The following ENTPD8 variants were observed in gnomAD, a reference collection of about 807,000 sequenced individuals.
ENTPD8 encodes the protein E-NTPDase 8.
ENTPD8 carries 35 observed loss-of-function variants against 47.0 expected under a neutral mutation model. The observed-to-expected ratio is 0.75, with a 90% CI of 0.57 to 0.99. ENTPD8 has a LOEUF of 0.99. Ranked by LOEUF, ENTPD8 falls within the 50% of genes least tolerant of loss-of-function variation. The pLI is 0.00. For missense variants in ENTPD8, 668 were observed against 649.9 expected (o/e 1.03, Z -0.30); for synonymous variants, 308 against 290.5 (o/e 1.06, Z -0.61).
Position 137,434,543 on chromosome 9 carries a change from T to C in ENTPD8, c.*371A>G. On this transcript the variant is annotated 3_prime_UTR_variant, in exon 10 of 10. Transcript: ENST00000371506. ...GGCAGCTCCCTCCCTTCCACCCCTC[T>C]CCGCCCCTCCTGAGGCCCCATCAGG... 1 of 682,966 alleles carries C rather than the reference T, an allele frequency of 1.5e-6. No individual in the cohort carries two copies. Among genetic ancestry groups the C allele is most frequent in the Non-Finnish European group, 2.4e-6 (1 of 418,544 alleles). The allele number at this position is 682,966 out of a possible 1,614,324, so 42.3% of individuals were successfully genotyped here. A position where few individuals can be genotyped will look rare whatever the true frequency, so the allele number is the denominator to read the frequency against.
At chr9:137,436,376 G>A in intron 6 of ENTPD8, 100 bp from the exon 7 acceptor site, 11 of 1,419,914 alleles carry the variant, frequency 7.7e-6, no homozygotes, top group Non-Finnish European at 1.0e-5. Context: ...CCCATACCCT[G>A]TGCGCCCTCC....
In ENTPD8 at chr9:137,436,152, T is replaced by C; in HGVS notation, c.911A>G (p.Asn304Ser). 6.2e-7 allele frequency: 1 copy of C among 1,612,872 alleles called. No homozygotes were observed. Among genetic ancestry groups the C allele is most frequent in the Non-Finnish European group, 8.5e-7 (1 of 1,179,956 alleles). ...GTTGCCTGTCCCTTCAACTGTGAGG[T>C]TCTGGGGGAGGCTCAGCGGGGGCGT... is the stretch of plus-strand genomic sequence containing the variant. ...HATPPLSLPQ[N>S]LTVEGTGNPG... The change falls in exon 7 of 10, where the codon AAC becomes AGC. Residue 304 changes from asparagine to serine, a missense_variant. Asn to Ser is a conservative substitution (Grantham distance 46). Transcript: ENST00000371506.
At position 137,435,202 on chromosome 9, in the gene ENTPD8, A is replaced by G. The variant is rs759911377; in HGVS notation, c.1296+2T>C. The G allele has an allele frequency of 4.3e-6, 7 of 1,610,144 alleles. No homozygotes were observed. Among genetic ancestry groups the G allele is most frequent in the South Asian group, 1.1e-5 (1 of 91,002 alleles). ...CCGCCCACGCCCAGGGGAGGCAGTC[A>G]CCTGCTTTCGGAACTCGAGGCTGGG... On this transcript the variant is annotated splice_donor_variant, in intron 9 of 9. Coordinates refer to ENST00000371506, the MANE Select transcript of ENTPD8 (RefSeq NM_001033113.2). LOFTEE classifies it high-confidence loss of function.
chr9:137,436,735 T>C lies in ENTPD8; in HGVS notation c.572A>G (p.Glu191Gly). 1 of 1,603,694 alleles carries C rather than the reference T, an allele frequency of 6.2e-7. No homozygotes were observed. The highest frequency in any genetic ancestry group is 8.5e-7 in the Non-Finnish European group (1 of 1,175,400). Reference sequence around the variant, plus strand: ...CATCTCCTCCGGAGGCTGGATCCATTCTCCAGTGAAGGAGTACTGGGCACA... The same window carrying C: ...CATCTCCTCCGGAGGCTGGATCCATCCTCCAGTGAAGGAGTACTGGGCACA... ...GTLVKYSFTGEWIQPPEEMLV... is the reference protein window; with the variant it reads ...GTLVKYSFTGGWIQPPEEMLV... Residue 191 changes from glutamate to glycine, a missense_variant, in exon 6 of 10, where the codon GAA becomes GGA. Glu to Gly is a moderately conservative substitution (Grantham distance 98). Coordinates refer to ENST00000371506, the MANE Select transcript of ENTPD8 (RefSeq NM_001033113.2).
rs115134072 is a variant in ENTPD8, at chr9:137,436,005, G to A, written c.1050+8C>T. 8,436 of 1,612,536 alleles carry A rather than the reference G, an allele frequency of 5.2e-3. 341 individuals carry two copies. The African/African-American group carries it at 0.093, about 18-fold the overall frequency. ...CGGACCCCTGGTGGGGGCAGTGTAG[G>A]TGCTCACATAGAACTGGCCCCGCAG... is the stretch of plus-strand genomic sequence containing the variant. On this transcript the variant is annotated splice_region_variant and intron_variant, in intron 7 of 9. Transcript: ENST00000371506.
At position 137,436,170 on chromosome 9, in the gene ENTPD8, G is replaced by T. The variant is rs372392679; in HGVS notation, c.893C>A (p.Pro298Gln). Residue 298 changes from proline to glutamine, a missense_variant, in exon 7 of 10, where the codon CCG becomes CAG. Physicochemically the swap from Pro to Gln is moderately conservative, Grantham distance 76. Transcript: ENST00000371506. ...YESPCVHATP[P>Q]LSLPQNLTVE... ...TGTGAGGTTCTGGGGGAGGCTCAGC[G>T]GGGGCGTGGCGTGGACACAGGGTGA... 1.1e-4 allele frequency: 179 copies of T among 1,612,772 alleles called. No homozygotes were observed. The highest frequency in any genetic ancestry group is 1.5e-4 in the Non-Finnish European group (177 of 1,179,960).
At position 137,437,200 on chromosome 9, in the gene ENTPD8, T is replaced by C. The variant is rs61730138; in HGVS notation, c.354A>G (p.Thr118=). The C allele has an allele frequency of 1.6e-4, 266 of 1,612,780 alleles. 1 individual carries two copies. Among genetic ancestry groups the C allele is most frequent in the Non-Finnish European group, 1.0e-4 (118 of 1,179,954 alleles). ...CAGCCGTGGCCCCCAGGAACGTGGGTGTTTTCCGATGCTGGGCCTCTGGGA... is the reference window on the plus strand; with the variant it reads ...CAGCCGTGGCCCCCAGGAACGTGGGCGTTTTCCGATGCTGGGCCTCTGGGA... ...VLIPEAQHRK[T]PTFLGATAGM... is the part of the protein sequence containing the mutation. Residue 118 remains threonine (T), a synonymous_variant, in exon 4 of 10, where the codon ACA becomes ACG. Coordinates refer to ENST00000371506, the MANE Select transcript of ENTPD8 (RefSeq NM_001033113.2).
Position 137,438,261 on chromosome 9 carries a change from C to T in ENTPD8, c.25G>A (p.Val9Ile). Reference protein sequence around the residue: MGLSRKEQVFLALLGASGV... With the variant: MGLSRKEQIFLALLGASGV... The stretch of plus-strand genomic sequence containing the variant: ...GAGGCCCCCAGCAGGGCCAAGAAGA[C>T]CTGCTCCTTCCGGGACAGCCCCATG... Residue 9 changes from valine (V) to isoleucine (I), a missense_variant, in exon 2 of 10, where the codon GTC becomes ATC. Val to Ile is a conservative substitution (Grantham distance 29). Coordinates refer to ENST00000371506, the MANE Select transcript of ENTPD8 (RefSeq NM_001033113.2). This position sits in a 1 kb window ranked among gnomAD's most constrained non-coding sequence, Gnocchi z 5.7. The T allele has an allele frequency of 6.3e-7, 1 of 1,593,504 alleles. No homozygotes were observed. Among genetic ancestry groups the T allele is most frequent in the Non-Finnish European group, 8.5e-7 (1 of 1,170,440 alleles).
rs1460829653 is a variant in ENTPD8 at position 137,438,886 on chromosome 9, C to A, written c.-20-581G>T. ...CCATGTGATGGGGCCACCCTGTGTC[C>A]CCACCCCTCGGTCCTGCCTCTCCCG... On this transcript the variant is annotated intron_variant, in intron 1 of 9. Transcript: ENST00000371506. This position sits in a 1 kb window ranked among gnomAD's most constrained non-coding sequence, Gnocchi z 5.7. Among the ~76,000 whole-genome samples the A allele has an allele frequency of 2.0e-5, 3 of 152,046 alleles. No homozygotes were observed. Among genetic ancestry groups the A allele is most frequent in the Admixed American group, 2.0e-4 (3 of 15,282 alleles).
In ENTPD8 at chr9:137,436,197, T is replaced by C; in HGVS notation, c.866A>G (p.Glu289Gly). ...GGGCGTGGCGTGGACACAGGGTGACTCATACAGCGGGCCCAGGGCCAGTGT... is the reference window on the plus strand; with the variant it reads ...GGGCGTGGCGTGGACACAGGGTGACCCATACAGCGGGCCCAGGGCCAGTGT... ...QTTLALGPLY[E>G]SPCVHATPPL... The change falls in exon 7 of 10, where the codon GAG becomes GGG. Residue 289 changes from glutamate to glycine, a missense_variant. Coordinates refer to ENST00000371506, the MANE Select transcript of ENTPD8 (RefSeq NM_001033113.2). 1 of 1,612,532 alleles carries C rather than the reference T, an allele frequency of 6.2e-7. No individual in the cohort carries two copies. The highest frequency in any genetic ancestry group is 8.5e-7 in the Non-Finnish European group (1 of 1,179,778).
In ENTPD8 at chr9:137,436,694, C is replaced by G. The variant is rs776700494; in HGVS notation, c.613G>C (p.Asp205His). Residue 205 changes from aspartate (D) to histidine (H), a missense_variant, in exon 6 of 10, where the codon GAC (aspartate) becomes CAC (histidine). Physicochemically the swap from Asp to His is moderately conservative, Grantham distance 81. Coordinates refer to ENST00000371506, the MANE Select transcript of ENTPD8 (RefSeq NM_001033113.2). ...PPEEMLVGAL[D>H]MGGASTQITF... ...ATCTGGGTGGAGGCCCCTCCCATGT[C>G]CAGGGCACCCACCAGCATCTCCTCC... 1 of 1,598,048 alleles carries G rather than the reference C, an allele frequency of 6.3e-7. No individual in the cohort carries two copies. Among genetic ancestry groups the G allele is most frequent in the Non-Finnish European group, 8.5e-7 (1 of 1,172,690 alleles).
At position 137,438,982 on chromosome 9, in the gene ENTPD8, G is replaced by A. The variant is rs369019873; in HGVS notation, c.-20-677C>T. Among the ~76,000 whole-genome samples the A allele has an allele frequency of 1.9e-4, 29 of 152,240 alleles. No individual in the cohort carries two copies. Among genetic ancestry groups the A allele is most frequent in the East Asian group, 7.7e-4 (4 of 5,180 alleles). ...GCCCAGGGCTCTGCCTCCTCTCTGC[G>A]GCCCCCACCCCAGGCACTCCTAGGG... On this transcript the variant is annotated intron_variant, in intron 1 of 9. Coordinates refer to ENST00000371506, the MANE Select transcript of ENTPD8 (RefSeq NM_001033113.2). The surrounding 1 kb of genome is among the most constrained non-coding windows in gnomAD (Gnocchi z 5.7).
At chr9:137,437,738 G>A (rs1361275837) in intron 3 of ENTPD8, among the ~76,000 whole-genome samples, 1 of 151,856 alleles carries the variant, frequency 6.6e-6, no homozygotes, top group Non-Finnish European at 1.5e-5. Flanking sequence ...GGCAGCAGAT[G>A]CTGGGCAGAC....
In ENTPD8 at chr9:137,438,529, TC is replaced by T. The variant is rs1173850072; in HGVS notation, c.-20-225del. On this transcript the variant is annotated intron_variant, in intron 1 of 9. Transcript: ENST00000371506. This position sits in a 1 kb window ranked among gnomAD's most constrained non-coding sequence, Gnocchi z 5.7. ...AGGCATCTCCGGGGCTCAGGCGGCC[TC>T]CCGTGGCCATAGAGGCATCTCCGGG... 2.1e-5 allele frequency among the ~76,000 whole-genome samples: 3 copies of T among 146,176 alleles called. No homozygotes were observed. Among genetic ancestry groups the T allele is most frequent in the African/African-American group, 7.8e-5 (3 of 38,442 alleles).
At chr9:137,439,990 G>GC (rs199752354) in intron 1 of ENTPD8, among the ~76,000 whole-genome samples, 1 of 42,926 alleles carries the variant, frequency 2.3e-5, no homozygotes, top group Non-Finnish European at 4.0e-5. Context: ...GACCAGGACA[G>GC]CCCCCCAGAC....
chr9:137,438,834 C>T lies in ENTPD8; in HGVS notation c.-20-529G>A, dbSNP rs967653306. On this transcript the variant is annotated intron_variant, in intron 1 of 9. Coordinates refer to ENST00000371506, the MANE Select transcript of ENTPD8 (RefSeq NM_001033113.2). The surrounding 1 kb of genome is among the most constrained non-coding windows in gnomAD (Gnocchi z 5.7). ...TCCAAGTAGCCCCCTCGGACCCCCT[C>T]GGATGGGACTCGCGGAGCTGCCCCC... Among the ~76,000 whole-genome samples, 2 of 152,084 alleles carry T rather than the reference C, an allele frequency of 1.3e-5. No individual in the cohort carries two copies. The highest frequency in any genetic ancestry group is 1.9e-4 in the East Asian group (1 of 5,172).
At position 137,434,630 on chromosome 9, in the gene ENTPD8, C is replaced by A; in HGVS notation, c.*284G>T. On this transcript the variant is annotated 3_prime_UTR_variant, in exon 10 of 10. Coordinates refer to ENST00000371506, the MANE Select transcript of ENTPD8 (RefSeq NM_001033113.2). ...TGCAGGCAGCATGTGGCCCTGCAGT[C>A]ACACAGCCTGGAGACACCACGAGTC... The A allele has an allele frequency of 1.7e-6, 1 of 588,252 alleles. No homozygotes were observed. Among genetic ancestry groups the A allele is most frequent in the Admixed American group, 3.3e-5 (1 of 30,218 alleles). 36.4% of individuals were successfully genotyped at this position (588,252 alleles called of 1,614,324 possible). A position where few individuals can be genotyped will look rare whatever the true frequency, so the allele number is the denominator to read the frequency against.
Position 137,435,806 on chromosome 9 carries a change from G to A in ENTPD8, c.1074C>T (p.Thr358=). The change falls in exon 8 of 10, where the codon ACC becomes ACT. Residue 358 remains threonine (T), a synonymous_variant. Transcript: ENST00000371506. ...TGGAGGTGAGGTTCAGGAAGTGGAA[G>A]GTGTAGTAGAAGTTGGAGAAGGCCT... ...QFYAFSNFYY[T]FHFLNLTSRQ... 6.2e-7 allele frequency: 1 copy of A among 1,613,568 alleles called. No individual in the cohort carries two copies. The highest frequency in any genetic ancestry group is 8.5e-7 in the Non-Finnish European group (1 of 1,179,914).
chr9:137,436,767 G>A lies in ENTPD8; in HGVS notation c.556-16C>T. ...TGAAGGAGTACTGGGCACAGAAGGG[G>A]CCACTCAGCTGGGAGCAGCCACCCG... On this transcript the variant is annotated splice_polypyrimidine_tract_variant and intron_variant, in intron 5 of 9. Transcript: ENST00000371506. 1 of 1,602,750 alleles carries A rather than the reference G, an allele frequency of 6.2e-7. No homozygotes were observed. Among genetic ancestry groups the A allele is most frequent in the Non-Finnish European group, 8.5e-7 (1 of 1,173,430 alleles).
Sources: allele counts gnomAD v4.1 joint callset (sites outside exome capture counted in the v4.1 genomes callset), GRCh38; gene constraint gnomAD v4.1.1; non-coding constraint Gnocchi (gnomAD v3.1); transcripts MANE v1.5; gene names NCBI Gene and HGNC (gene_info 2026-07-23, HGNC 2026-07-21).